Variants in NRXN1 observed in about 807,000 individuals in gnomAD.
NRXN1 encodes the protein neurexin 1, also known as neurexin-1.
A neutral mutation model predicts 150.9 loss-of-function variants in NRXN1; 39 were observed. That is an observed-to-expected ratio of 0.26 (90% confidence interval 0.20 to 0.34). The LOEUF is 0.34. Ranked by LOEUF, NRXN1 falls within the 10% of genes least tolerant of loss-of-function variation. The probability of loss-of-function intolerance (pLI) is 1.00; values close to 1 mark genes in which losing one functional copy is unlikely to be tolerated. For synonymous variants in NRXN1, 924 were observed against 757.0 expected, an observed-to-expected ratio of 1.22 and a Z score of -3.62; for missense variants, 1,815 against 1,949.9, an observed-to-expected ratio of 0.93 and a Z score of 1.30.
At chr2:50,374,253 T>A (rs755556831) in intron 17 of NRXN1, among the ~76,000 whole-genome samples, 17 of 151,304 alleles carry the variant, frequency 1.1e-4, no homozygotes, top group Non-Finnish European at 2.5e-4. Context: ...AGCATGCTAT[T>A]GTGCTCCAGC....
At chr2:51,011,873 T>C (rs1575215968) in intron 2 of NRXN1, among the ~76,000 whole-genome samples, 1 of 151,922 alleles carries the variant, frequency 6.6e-6, no homozygotes, top group Non-Finnish European at 1.5e-5. Flanking sequence ...ATTGGGAAAG[T>C]GGTAAGTAGA....
intron 17 of NRXN1, among the ~76,000 whole-genome samples, chr2:50,362,051 C>A (rs1365666335): frequency 6.6e-6 from 1 of 150,936 alleles, no homozygotes; most frequent in Non-Finnish European, 1.5e-5. Flanking sequence ...ATTCAACAGC[C>A]CTTCATGCTA....
At chr2:50,038,343 C>G (rs879460325) in intron 21 of NRXN1, among the ~76,000 whole-genome samples, 2 of 152,166 alleles carry the variant, frequency 1.3e-5, no homozygotes, top group Non-Finnish European at 2.9e-5. Context: ...TTATAAAAAG[C>G]CTGTGGCTCC....
intron 17 of NRXN1, among the ~76,000 whole-genome samples, chr2:50,454,236 G>C (rs1217898183): frequency 6.6e-6 from 1 of 152,294 alleles, no homozygotes; most frequent in South Asian, 2.1e-4. Flanking sequence ...TGAGGCACGA[G>C]AATCGCTTGA....
chr2:50,202,847 A>C (rs942168728), intron 18 of NRXN1, among the ~76,000 whole-genome samples: 1 of 151,594 alleles, frequency 6.6e-6, no homozygotes, highest in Non-Finnish European at 1.5e-5. Context: ...TTTTACTTGG[A>C]ACTGATCCAC....
At chr2:50,667,343 T>C (rs144324358) in intron 5 of NRXN1, among the ~76,000 whole-genome samples, 2 of 152,074 alleles carry the variant, frequency 1.3e-5, no homozygotes, top group African/African-American at 4.8e-5. Flanking sequence ...AGTAAAGTGT[T>C]ACAAATAGCA....
At chr2:50,496,719 T>C (rs1227982743) in intron 14 of NRXN1, among the ~76,000 whole-genome samples, 1 of 152,190 alleles carries the variant, frequency 6.6e-6, no homozygotes, top group Non-Finnish European at 1.5e-5. Context: ...GAGATGTGCA[T>C]ACGGGTGGCA....
intron 18 of NRXN1, among the ~76,000 whole-genome samples, chr2:50,200,887 T>C (rs1370404960): frequency 6.6e-6 from 1 of 152,144 alleles, no homozygotes; most frequent in Non-Finnish European, 1.5e-5. Context: ...TTTTTCATTT[T>C]TCTTGTTCTT....
intron 5 of NRXN1, among the ~76,000 whole-genome samples, chr2:50,838,197 G>C (rs1278945277): frequency 2.0e-5 from 3 of 152,100 alleles, no homozygotes; most frequent in Non-Finnish European, 4.4e-5. Flanking sequence ...CAATGTTAGT[G>C]TAGGTATTAC....
At chr2:49,925,108 G>A (rs1194092976) in intron 22 of NRXN1, among the ~76,000 whole-genome samples, 1 of 151,808 alleles carries the variant, frequency 6.6e-6, no homozygotes, top group African/African-American at 2.4e-5. Flanking sequence ...TGGCCAACAT[G>A]GTGAAACCCT....
chr2:50,176,557 T>C (rs1416366718), intron 18 of NRXN1, among the ~76,000 whole-genome samples: 2 of 152,024 alleles, frequency 1.3e-5, no homozygotes, highest in Admixed American at 6.6e-5. Flanking sequence ...GGGAGCAACA[T>C]AATTCCTGAG....
intron 5 of NRXN1, among the ~76,000 whole-genome samples, chr2:50,684,010 A>G (rs2104822614): frequency 6.6e-6 from 1 of 152,100 alleles, no homozygotes; most frequent in Admixed American, 6.6e-5. Flanking sequence ...CCATCCATCT[A>G]TGCATTTCAT....
intron 19 of NRXN1, among the ~76,000 whole-genome samples, chr2:50,061,585 C>T (rs141500245): frequency 7.7e-4 from 117 of 152,226 alleles, no homozygotes; most frequent in African/African-American, 1.9e-3. Context: ...CTATACATTC[C>T]GGGCTATAAA....
intron 5 of NRXN1, among the ~76,000 whole-genome samples, chr2:50,653,387 C>T (rs1055176009): frequency 6.6e-6 from 1 of 151,968 alleles, no homozygotes; most frequent in Non-Finnish European, 1.5e-5. Context: ...TATTTGGCAG[C>T]TTTCAGTCTC....
At position 50,188,684 on chromosome 2, in the gene NRXN1, A is replaced by C. The variant is rs909855619; in HGVS notation, c.3546+48105T>G. Among the ~76,000 whole-genome samples the C allele has an allele frequency of 3.9e-5, 6 of 152,248 alleles. No homozygotes were observed. In the East Asian group the frequency reaches 1.2e-3, roughly 29 times the overall value. On this transcript the variant is annotated intron_variant, in intron 18 of 22. Coordinates refer to ENST00000401669, the MANE Select transcript of NRXN1 (RefSeq NM_001330078.2). ...ACTTAAACAAATTTACAAGAAAAAA[A>C]AAACATCAAAAAGTGGATGAAGAAT...
intron 5 of NRXN1, among the ~76,000 whole-genome samples, chr2:50,891,034 T>C (rs1680975116): frequency 6.6e-6 from 1 of 152,032 alleles, no homozygotes; most frequent in Non-Finnish European, 1.5e-5. Flanking sequence ...AATATTTTAC[T>C]ACTTAGGGGC....
chr2:50,299,620 A>T (rs965460715), intron 17 of NRXN1, among the ~76,000 whole-genome samples: 1 of 152,204 alleles, frequency 6.6e-6, no homozygotes, highest in Non-Finnish European at 1.5e-5. Flanking sequence ...TTAAAAACAT[A>T]GTATAAATAT....
rs1332052963 is a variant in NRXN1 at position 50,053,527 on chromosome 2, T to C, written c.3872A>G (p.Gln1291Arg). 2 of 1,614,106 alleles carry C rather than the reference T, an allele frequency of 1.2e-6. No homozygotes were observed. The highest frequency in any genetic ancestry group is 1.3e-5 in the African/African-American group (1 of 75,060). The change falls in exon 21 of 23, where the codon CAG becomes CGG. Residue 1291 changes from glutamine (Q) to arginine (R), a missense_variant. Physicochemically the swap from Gln to Arg is conservative, Grantham distance 43 (BLOSUM62 1). Transcript: ENST00000401669. ...TIIIGGKEQGQPFQGQLSGLY... is the reference protein window; with the variant it reads ...TIIIGGKEQGRPFQGQLSGLY... ...CCCAGAGAGCTGGCCCTGGAAGGGC[T>C]GGCCCTGCTCTTTCCCGCCAATTAT...
chr2:50,605,025 T>G (rs371325415), intron 8 of NRXN1, among the ~76,000 whole-genome samples: 55 of 152,336 alleles, frequency 3.6e-4, no homozygotes, highest in African/African-American at 1.3e-3. Flanking sequence ...GGGTTTCATC[T>G]ACTTGGGAAA....
Sources: allele counts gnomAD v4.1 joint callset (sites outside exome capture counted in the v4.1 genomes callset), GRCh38; gene constraint gnomAD v4.1.1; transcripts MANE v1.5; gene names NCBI Gene and HGNC (gene_info 2026-07-23, HGNC 2026-07-21).